LARGE1: variants seen among roughly 807,000 people sequenced by gnomAD.
LARGE1 encodes xylosyl- and glucuronyltransferase LARGE1.
In LARGE1, 43 loss-of-function variants were observed where a neutral mutation model predicts 87.6. The ratio of observed to expected loss-of-function variants is 0.49; its 90% confidence interval spans 0.38 to 0.63. The LOEUF (loss-of-function observed/expected upper bound fraction) is 0.63. Among genes scored for constraint, LARGE1 ranks in the 30% least tolerant of loss-of-function variants. The pLI, the probability that LARGE1 is intolerant of heterozygous loss-of-function variation, is 0.00. For missense variants in LARGE1, 802 were observed against 1,000.2 expected, an observed-to-expected ratio of 0.80 and a Z score of 2.67; for synonymous variants, 434 against 394.6, an observed-to-expected ratio of 1.10 and a Z score of -1.18.
At chr22:33,763,845 T>C (rs1460699523) in intron 1 of LARGE1, among the ~76,000 whole-genome samples, 1 of 53,370 alleles carries the variant, frequency 1.9e-5, no homozygotes, top group South Asian at 9.8e-4. Context: ...TTGCTTTTTT[T>C]TTTTTTTTTT....
intron 1 of LARGE1, among the ~76,000 whole-genome samples, chr22:33,862,963 GTTA>G: frequency 6.6e-6 from 1 of 152,214 alleles, no homozygotes; most frequent in East Asian, 1.9e-4. Flanking sequence ...TATTATTGTT[GTTA>G]TTATTATACT....
chr22:33,707,278 C>A (rs11704291), intron 2 of LARGE1, among the ~76,000 whole-genome samples: 3,356 of 152,324 alleles, frequency 0.022, 72 homozygotes, highest in Non-Finnish European at 0.029. Context: ...CACAAGCAGG[C>A]CCATCATTTT....
At chr22:33,919,480 T>A (rs1248973960) in intron 1 of LARGE1, among the ~76,000 whole-genome samples, 1 of 152,194 alleles carries the variant, frequency 6.6e-6, no homozygotes, top group Non-Finnish European at 1.5e-5. Flanking sequence ...CCCCTACAGA[T>A]AGCAATGCCA....
At chr22:33,080,961 C>CCATCCATA in the LARGE1 span, among the ~76,000 whole-genome samples, 6 of 149,388 alleles carry the variant, frequency 4.0e-5, no homozygotes, top group African/African-American at 1.5e-4. Context: ...TTCCATCCAT[C>CCATCCATA]CATCCATCCA....
intron 2 of LARGE1, among the ~76,000 whole-genome samples, chr22:33,655,261 C>T (rs2080927886): frequency 6.6e-6 from 1 of 152,078 alleles, no homozygotes; most frequent in Admixed American, 6.6e-5. Context: ...TGGCTACCTC[C>T]CATTAGTTGA....
intron 14 of LARGE1, among the ~76,000 whole-genome samples, chr22:33,276,701 A>G (rs1277498457): frequency 2.0e-5 from 3 of 152,246 alleles, no homozygotes; most frequent in African/African-American, 7.2e-5. Context: ...ATGCTTTGTC[A>G]TGTATATGGA....
At chr22:33,727,249 T>C (rs916279046) in intron 2 of LARGE1, among the ~76,000 whole-genome samples, 1 of 152,184 alleles carries the variant, frequency 6.6e-6, no homozygotes, top group East Asian at 1.9e-4. Flanking sequence ...AGGGATGACA[T>C]CCAGTAACAG....
chr22:33,850,560 T>C (rs937985096), intron 1 of LARGE1, among the ~76,000 whole-genome samples: 3 of 152,208 alleles, frequency 2.0e-5, no homozygotes, highest in African/African-American at 7.2e-5. Flanking sequence ...AAACACCTAA[T>C]AAATGACAGA....
chr22:33,708,147 G>A (rs1343647188), intron 2 of LARGE1, among the ~76,000 whole-genome samples: 1 of 152,056 alleles, frequency 6.6e-6, no homozygotes, highest in Non-Finnish European at 1.5e-5. Flanking sequence ...ACCTATCCCA[G>A]AGGAGAAAAG....
intron 2 of LARGE1, among the ~76,000 whole-genome samples, chr22:33,710,194 A>G (rs79365786): frequency 2.1e-5 from 3 of 139,738 alleles, no homozygotes; most frequent in East Asian, 2.0e-4. Flanking sequence ...AAGGAGATTG[A>G]AAAAAAAAAA....
At chr22:33,505,416 C>T (rs2070714313) in intron 6 of LARGE1, among the ~76,000 whole-genome samples, 1 of 152,136 alleles carries the variant, frequency 6.6e-6, no homozygotes, top group African/African-American at 2.4e-5. Context: ...ATCCTCTGCC[C>T]AGCTCATGTG....
At chr22:33,270,677 C>T (rs1027967992), downstream of LARGE1, among the ~76,000 whole-genome samples, 1 of 152,138 alleles carries the variant, frequency 6.6e-6, no homozygotes, top group East Asian at 1.9e-4. Context: ...GGAGCTGTGT[C>T]TGAGAGGGGA....
chr22:33,445,711 G>A (rs184352035), intron 6 of LARGE1, among the ~76,000 whole-genome samples: 18 of 150,270 alleles, frequency 1.2e-4, no homozygotes, highest in African/African-American at 4.2e-4. Context: ...GCACAATGGC[G>A]GGATCTCGGC....
downstream of LARGE1, among the ~76,000 whole-genome samples, chr22:33,158,472 T>C (rs1366237098): frequency 6.6e-6 from 1 of 152,016 alleles, no homozygotes; most frequent in Non-Finnish European, 1.5e-5. Context: ...AAAATAAATA[T>C]TAAGAACAAT....
chr22:33,300,714 G>C (rs1317209396), intron 12 of LARGE1, among the ~76,000 whole-genome samples: 1 of 152,034 alleles, frequency 6.6e-6, no homozygotes, highest in Non-Finnish European at 1.5e-5. Context: ...GCTAATTTAT[G>C]GTATTTCAGT....
intron 6 of LARGE1, among the ~76,000 whole-genome samples, chr22:33,454,016 AG>A (rs2068037802): frequency 6.6e-6 from 1 of 152,224 alleles, no homozygotes; most frequent in African/African-American, 2.4e-5. Context: ...AGAGAAGCCC[AG>A]GACCACCAAT....
intron 6 of LARGE1, among the ~76,000 whole-genome samples, chr22:33,492,771 C>T (rs1466828153): frequency 6.6e-6 from 1 of 152,158 alleles, no homozygotes; most frequent in African/African-American, 2.4e-5. Context: ...TGTGTGCTAA[C>T]TGAAAACAAA....
chr22:33,093,324 G>A, the LARGE1 span, among the ~76,000 whole-genome samples: 3 of 152,296 alleles, frequency 2.0e-5, no homozygotes, highest in South Asian at 6.2e-4. Flanking sequence ...CTCTGAAAAT[G>A]AACTGACAAT....
chr22:33,760,525 C>T (rs1216529327), intron 2 of LARGE1, among the ~76,000 whole-genome samples: 1 of 152,188 alleles, frequency 6.6e-6, no homozygotes, highest in Non-Finnish European at 1.5e-5. Context: ...CGCAACGTGC[C>T]GCGATCATTT....
Sources: allele counts gnomAD v4.1 joint callset (sites outside exome capture counted in the v4.1 genomes callset), GRCh38; gene constraint gnomAD v4.1.1; transcripts MANE v1.5; gene names NCBI Gene and HGNC (gene_info 2026-07-23, HGNC 2026-07-21).